PIGT: variants seen among roughly 807,000 people sequenced by gnomAD.
The protein encoded by PIGT is phosphatidylinositol glycan anchor biosynthesis class T, also known as GPI-anchor transamidase component PIGT.
Under a neutral mutation model 66.7 loss-of-function variants are expected in PIGT, and 57 were observed. The observed-to-expected ratio is 0.86, with a 90% CI of 0.69 to 1.07. The LOEUF (loss-of-function observed/expected upper bound fraction) is 1.07, where lower values mean the gene tolerates loss of function less well. PIGT is among the 50% of genes least tolerant of loss of function. The pLI is 0.00. For synonymous variants in PIGT, 362 were observed against 320.5 expected (o/e 1.13, Z -1.38); for missense variants, 725 against 740.4 (o/e 0.98, Z 0.24).
At chr20:45,417,745 A>G (rs568484210) in intron 2 of PIGT, 1 of 152,364 alleles carries the variant, frequency 6.6e-6, no homozygotes, top group African/African-American at 2.4e-5. Flanking sequence ...GTGCATACCA[A>G]ATGAAGCATG....
At position 45,418,987 on chromosome 20, in the gene PIGT, A is replaced by G; in HGVS notation, c.493+8A>G. On this transcript the variant is annotated splice_region_variant and intron_variant, in intron 3 of 11. Coordinates refer to ENST00000279036, the MANE Select transcript of PIGT (RefSeq NM_015937.6). ...CCCTGGGTCTGGCCAATGGTGAGATAACCCCTACAGCCCTTTCCTTCTTCC... is the reference window on the plus strand; with the variant it reads ...CCCTGGGTCTGGCCAATGGTGAGATGACCCCTACAGCCCTTTCCTTCTTCC... 1 of 1,614,086 alleles carries G rather than the reference A, an allele frequency of 6.2e-7. No individual in the cohort carries two copies. The highest frequency in any genetic ancestry group is 8.5e-7 in the Non-Finnish European group (1 of 1,179,986).
At position 45,424,566 on chromosome 20, in the gene PIGT, C is replaced by T. The variant is rs1407449313; in HGVS notation, c.1471C>T (p.Leu491Phe). 5 of 1,613,858 alleles carry T rather than the reference C, an allele frequency of 3.1e-6. No individual in the cohort carries two copies. Among genetic ancestry groups the T allele is most frequent in the Non-Finnish European group, 4.2e-6 (5 of 1,179,858 alleles). Residue 491 changes from leucine (L) to phenylalanine (F), a missense_variant, in exon 11 of 12, where the codon CTC becomes TTC. Leu to Phe is a conservative substitution (Grantham distance 22). Around this residue, in one of 3 missense-constraint regions of PIGT, gnomAD observed 162 missense variants for 171.1 expected, o/e 0.95. Transcript: ENST00000279036. ...AKPVDWEESP[L>F]FNSLFPVSDG... ...GCCAGTGGACTGGGAAGAGAGTCCCCTCTTCAACAGCCTGTAAGTGTGACC... is the reference window on the plus strand; with the variant it reads ...GCCAGTGGACTGGGAAGAGAGTCCCTTCTTCAACAGCCTGTAAGTGTGACC...
chr20:45,424,173 C>G, intron 9 of PIGT, 43 bp from the exon 10 acceptor site: 1 of 1,598,784 alleles, frequency 6.3e-7, no homozygotes, highest in East Asian at 2.2e-5. Context: ...AGCAGGTAGC[C>G]TGACCCCAGG....
At position 45,421,488 on chromosome 20, in the gene PIGT, C is replaced by A; in HGVS notation, c.1139C>A (p.Ala380Asp). Residue 380 changes from alanine to aspartate, a missense_variant, in exon 9 of 12, where the codon GCC (alanine) becomes GAC (aspartate). Coordinates refer to ENST00000279036, the MANE Select transcript of PIGT (RefSeq NM_015937.6). ...CTGTACAACACCCACCCATACCGGGCCTTCCCGGTGCTGCTGCTGGACACC... is the reference window on the plus strand; with the variant it reads ...CTGTACAACACCCACCCATACCGGGACTTCCCGGTGCTGCTGCTGGACACC... ...TLLYNTHPYR[A>D]FPVLLLDTVP... 6.2e-7 allele frequency: 1 copy of A among 1,614,046 alleles called. No individual in the cohort carries two copies. Among genetic ancestry groups the A allele is most frequent in the Non-Finnish European group, 8.5e-7 (1 of 1,179,890 alleles).
At chr20:45,419,659 C>A in intron 5 of PIGT, 69 bp downstream of exon 5, 2 of 1,105,630 alleles carry the variant, frequency 1.8e-6, no homozygotes, top group South Asian at 2.5e-5. Context: ...AGCATGTGGT[C>A]AGTGTCTGGC....
At chr20:45,421,142 G>T in intron 8 of PIGT, 1 of 564,870 alleles carries the variant, frequency 1.8e-6, no homozygotes, top group East Asian at 2.9e-5. Flanking sequence ...GACCTGGATT[G>T]GGTTCGAAGG....
Position 45,416,523 on chromosome 20 carries a change from A to T in PIGT, c.194A>T (p.His65Leu). ...DSELQREGVS[H>L]YRLFPKALGQ... is the part of the protein sequence containing the mutation. ...CCTGCTCCCGTTTCCCCAGTGTCCC[A>T]TTACAGGCTCTTTCCCAAAGCCCTG... Residue 65 changes from histidine to leucine, a missense_variant, in exon 2 of 12, where the codon CAT becomes CTT. Coordinates refer to ENST00000279036, the MANE Select transcript of PIGT (RefSeq NM_015937.6). 1 of 1,614,000 alleles carries T rather than the reference A, an allele frequency of 6.2e-7. No individual in the cohort carries two copies. The highest frequency in any genetic ancestry group is 8.5e-7 in the Non-Finnish European group (1 of 1,179,946).
At position 45,420,278 on chromosome 20, in the gene PIGT, A is replaced by G. The variant is rs1430642036; in HGVS notation, c.770-54A>G. ...CACCCATGCCAGCCCTGCCTTATCT[A>G]TGTGGACTAGGCCTAGGCCTGGCCC... On this transcript the variant is annotated intron_variant, in intron 6 of 11. Coordinates refer to ENST00000279036, the MANE Select transcript of PIGT (RefSeq NM_015937.6). The G allele has an allele frequency of 6.3e-6, 10 of 1,593,132 alleles. No individual in the cohort carries two copies. The African/African-American group carries it at 9.4e-5, about 15-fold the overall frequency.
rs1041711313 is a variant in PIGT at position 45,416,162 on chromosome 20, G to C, written c.6G>C (p.Ala2=). 83 of 1,561,130 alleles carry C rather than the reference G, an allele frequency of 5.3e-5. No individual in the cohort carries two copies. Among genetic ancestry groups the C allele is most frequent in the Non-Finnish European group, 7.0e-5 (81 of 1,155,206 alleles). ...AGGCGGAAGTAGCCGCAGGCATGGC[G>C]GCGGCTATGCCGCTTGCTCTGCTCG... M[A]AAMPLALLVL... The change falls in exon 1 of 12, where the codon GCG becomes GCC. Residue 2 remains alanine (A), a synonymous_variant. Coordinates refer to ENST00000279036, the MANE Select transcript of PIGT (RefSeq NM_015937.6).
Position 45,420,693 on chromosome 20 carries a change from G to T in PIGT, c.1033G>T (p.Glu345Ter). The T allele has an allele frequency of 1.2e-6, 2 of 1,613,922 alleles. No homozygotes were observed. The highest frequency in any genetic ancestry group is 2.2e-5 in the South Asian group (2 of 91,058). The change falls in exon 8 of 12, where the codon GAG (glutamate) becomes TAG (stop). Residue 345 changes from glutamate (E) to a stop codon, truncating the protein, a stop_gained and splice_region_variant. Transcript: ENST00000279036. LOFTEE classifies it high-confidence loss of function. ...CAAGTGGAAGAGACCCCCAGAGAAT[G>T]GTGAGTGGGTGGTTGGTTGGACTGC... Reference protein sequence around the residue: ...QLKWKRPPENEAPPVPFLHAQ... With the variant: ...QLKWKRPPEN
rs1989986268 is a variant in PIGT at position 45,416,527 on chromosome 20, C to T, written c.198C>T (p.Tyr66=). The T allele has an allele frequency of 4.3e-6, 7 of 1,614,038 alleles. No homozygotes were observed. The highest frequency in any genetic ancestry group is 5.9e-6 in the Non-Finnish European group (7 of 1,179,940). ...CTCCCGTTTCCCCAGTGTCCCATTA[C>T]AGGCTCTTTCCCAAAGCCCTGGGGC... ...SELQREGVSH[Y]RLFPKALGQL... The change falls in exon 2 of 12, where the codon TAC becomes TAT. Residue 66 remains tyrosine (Y), a synonymous_variant. Transcript: ENST00000279036.
chr20:45,419,425 C>CG lies in PIGT; in HGVS notation c.594+36dup, dbSNP rs3092108. The CG allele has an allele frequency of 0.49, 784,495 of 1,601,804 alleles. 195,282 individuals are homozygous for CG. The highest frequency in any genetic ancestry group is 0.6 in the South Asian group (54,343 of 90,762). On this transcript the variant is annotated intron_variant, in intron 4 of 11. Coordinates refer to ENST00000279036, the MANE Select transcript of PIGT (RefSeq NM_015937.6). ...GGCCGCAGAGCCTGGCAGCCGGGGG[C>CG]GGGGGGTGTATAGAGAACCTGCGCC...
intron 8 of PIGT, 189 bp from the exon 9 acceptor site, chr20:45,421,194 C>G: frequency 1.7e-6 from 1 of 601,820 alleles, no homozygotes; most frequent in Non-Finnish European, 2.9e-6. Flanking sequence ...TACTAGCAAC[C>G]TATTGTCATC....
At position 45,416,574 on chromosome 20, in the gene PIGT, T is replaced by G; in HGVS notation, c.245T>G (p.Leu82Arg). 1 of 1,614,196 alleles carries G rather than the reference T, an allele frequency of 6.2e-7. No individual in the cohort carries two copies. Among genetic ancestry groups the G allele is most frequent in the Non-Finnish European group, 8.5e-7 (1 of 1,180,010 alleles). The part of the protein sequence containing the change: ...ALGQLISKYS[L>R]RELHLSFTQG... ...GGGCAGCTGATCTCCAAGTATTCTCTACGGGAGCTGCACCTGTCATTCACA... is the reference window on the plus strand; with the variant it reads ...GGGCAGCTGATCTCCAAGTATTCTCGACGGGAGCTGCACCTGTCATTCACA... The change falls in exon 2 of 12, where the codon CTA becomes CGA. Residue 82 changes from leucine (L) to arginine (R), a missense_variant. Leu to Arg is a moderately radical substitution (Grantham distance 102). Around this residue, in one of 3 missense-constraint regions of PIGT, gnomAD observed 559 missense variants for 552.7 expected, o/e 1.01. Coordinates refer to ENST00000279036, the MANE Select transcript of PIGT (RefSeq NM_015937.6).
chr20:45,419,222 C>T, intron 3 of PIGT, 73 bp from the exon 4 acceptor site: 1 of 1,315,988 alleles, frequency 7.6e-7, no homozygotes, highest in Non-Finnish European at 1.1e-6. Context: ...GAGGGTCATT[C>T]CCATCTCTGG....
chr20:45,424,600 T>G (rs1278603177), intron 11 of PIGT, 21 bp downstream of exon 11: 1 of 1,583,602 alleles, frequency 6.3e-7, no homozygotes, highest in Non-Finnish European at 8.7e-7. Context: ...CCACACTCAC[T>G]GATAACACAT....
chr20:45,419,424 G>GC (rs371987730), intron 4 of PIGT, 29 bp downstream of exon 4: 14 of 1,519,006 alleles, frequency 9.2e-6, no homozygotes, highest in Non-Finnish European at 1.3e-5. Flanking sequence ...GCAGCCGGGG[G>GC]CGGGGGGTGT....
chr20:45,421,411 C>T lies in PIGT; in HGVS notation c.1062C>T (p.Ala354=). Residue 354 remains alanine, a synonymous_variant, in exon 9 of 12, where the codon GCC becomes GCT. Transcript: ENST00000279036. ...NEAPPVPFLH[A]QRYVSGYGLQ... ...CCCCCCCAGTGCCCTTCCTGCATGC[C>T]CAGCGGTACGTGAGTGGCTATGGGC... 1 of 1,614,068 alleles carries T rather than the reference C, an allele frequency of 6.2e-7. No homozygotes were observed. Among genetic ancestry groups the T allele is most frequent in the Non-Finnish European group, 8.5e-7 (1 of 1,179,970 alleles).
chr20:45,420,445 G>C lies in PIGT; in HGVS notation c.867+16G>C. ...CTACAACCAGGTAACAAGGTCTCCA[G>C]CCACACACACAAACACACCGCTGGT... On this transcript the variant is annotated intron_variant, in intron 7 of 11. Coordinates refer to ENST00000279036, the MANE Select transcript of PIGT (RefSeq NM_015937.6). The C allele has an allele frequency of 6.2e-7, 1 of 1,611,588 alleles. No individual in the cohort carries two copies. The highest frequency in any genetic ancestry group is 1.3e-5 in the African/African-American group (1 of 74,814).
Sources: gnomAD v4.1 joint callset for allele counts on GRCh38, gnomAD v4.1.1 for gene constraint, gnomAD v4.1.1 regional missense constraint, MANE v1.5 for transcripts, NCBI Gene and HGNC (gene_info 2026-07-23, HGNC 2026-07-21) for gene names.